TSHR: variants seen among roughly 807,000 people sequenced by gnomAD.
TSHR encodes the protein thyrotropin receptor.
In TSHR, 51 loss-of-function variants were observed where a neutral mutation model predicts 64.1. The observed-to-expected ratio is 0.80, with a 90% CI of 0.64 to 1.01. TSHR has a LOEUF of 1.01. TSHR is among the 50% of genes least tolerant of loss of function. TSHR has a pLI of 0.00. For synonymous variants in TSHR, 361 were observed against 361.9 expected (o/e 1.00, Z 0.03); for missense variants, 877 against 942.8 (o/e 0.93, Z 0.91).
At chr14:81,020,114 T>C (rs760422367) in intron 1 of TSHR, among the ~76,000 whole-genome samples, 8 of 146,260 alleles carry the variant, frequency 5.5e-5, no homozygotes, top group East Asian at 1.9e-4. Context: ...ATTAAACATA[T>C]GTGTCTCTGT....
At chr14:81,058,009 A>G (rs1885950624) in intron 1 of TSHR, among the ~76,000 whole-genome samples, 1 of 152,242 alleles carries the variant, frequency 6.6e-6, no homozygotes, top group African/African-American at 2.4e-5. Context: ...TGTTGATGAA[A>G]TTTCAGTCAA....
intron 1 of TSHR, among the ~76,000 whole-genome samples, chr14:80,964,976 G>A (rs1055882322): frequency 2.4e-4 from 37 of 152,268 alleles, no homozygotes; most frequent in African/African-American, 7.9e-4. Flanking sequence ...AGGAATGAAC[G>A]TAGAAATGAA....
intron 2 of TSHR, among the ~76,000 whole-genome samples, chr14:81,064,171 G>A (rs1234069534): frequency 1.3e-5 from 2 of 152,096 alleles, no homozygotes; most frequent in East Asian, 3.8e-4. Context: ...TGGAAGTGGA[G>A]CAAGGCTGTA....
At chr14:81,129,745 C>T (rs1270288109) in intron 8 of TSHR, among the ~76,000 whole-genome samples, 1 of 152,218 alleles carries the variant, frequency 6.6e-6, no homozygotes, top group African/African-American at 2.4e-5. Flanking sequence ...ACCCATCTTC[C>T]TGTGTCTATG....
chr14:80,976,128 G>A (rs942643725), intron 1 of TSHR, among the ~76,000 whole-genome samples: 38 of 152,132 alleles, frequency 2.5e-4, no homozygotes, highest in African/African-American at 9.2e-4. Flanking sequence ...AGCCAGGATG[G>A]TCTCCATCTC....
At chr14:81,022,194 C>T (rs530324604) in intron 1 of TSHR, among the ~76,000 whole-genome samples, 3 of 151,366 alleles carry the variant, frequency 2.0e-5, no homozygotes, top group South Asian at 4.2e-4. Flanking sequence ...GGCGTGAACA[C>T]GAGAGGCGGA....
intron 9 of TSHR, among the ~76,000 whole-genome samples, chr14:81,140,641 C>G (rs1891644340): frequency 6.6e-6 from 1 of 152,148 alleles, no homozygotes; most frequent in South Asian, 2.1e-4. Flanking sequence ...TTTGCTTTTA[C>G]TCTGCATTAT....
chr14:81,098,586 T>G (rs1341883510), intron 7 of TSHR, among the ~76,000 whole-genome samples: 1 of 152,218 alleles, frequency 6.6e-6, no homozygotes, highest in East Asian at 1.9e-4. Context: ...ATAATGAAGA[T>G]AGTTTGTAGG....
intron 1 of TSHR, among the ~76,000 whole-genome samples, chr14:80,965,561 T>C (rs1000880458): frequency 6.6e-6 from 1 of 152,256 alleles, no homozygotes. Context: ...TTCTTCATAC[T>C]GACTCTGTTT....
At chr14:81,085,722 T>C (rs971509658) in intron 3 of TSHR, among the ~76,000 whole-genome samples, 1 of 152,144 alleles carries the variant, frequency 6.6e-6, no homozygotes, top group African/African-American at 2.4e-5. Context: ...TGTGGAGCAA[T>C]TTTCCAGACT....
intron 8 of TSHR, among the ~76,000 whole-genome samples, chr14:81,114,228 C>T (rs1048362752): frequency 3.3e-5 from 5 of 151,938 alleles, no homozygotes; most frequent in African/African-American, 9.7e-5. Flanking sequence ...GCGTCAGCGA[C>T]GCAGAAGACG....
chr14:81,068,724 T>C (rs1232786107), intron 3 of TSHR, among the ~76,000 whole-genome samples: 1 of 152,220 alleles, frequency 6.6e-6, no homozygotes, highest in Non-Finnish European at 1.5e-5. Flanking sequence ...TTGGTGAGAT[T>C]AGAATAGTAG....
chr14:81,072,408 T>C (rs1887138328), intron 3 of TSHR, among the ~76,000 whole-genome samples: 1 of 152,174 alleles, frequency 6.6e-6, no homozygotes, highest in African/African-American at 2.4e-5. Context: ...AAGTACTAAC[T>C]GAAATTAAAC....
At chr14:80,966,234 C>T (rs1004182529) in intron 1 of TSHR, among the ~76,000 whole-genome samples, 2 of 152,102 alleles carry the variant, frequency 1.3e-5, no homozygotes, top group African/African-American at 4.8e-5. Context: ...TAGAAGGCTA[C>T]TTTTAGGAAA....
intron 3 of TSHR, 47 bp from the exon 4 acceptor site, chr14:81,087,907 C>A: frequency 7.6e-7 from 1 of 1,319,064 alleles, no homozygotes; most frequent in Non-Finnish European, 1.1e-6. Flanking sequence ...TTGATAAGAA[C>A]AGATACGGAT....
intron 1 of TSHR, among the ~76,000 whole-genome samples, chr14:80,959,785 A>C (rs962180588): frequency 6.6e-6 from 1 of 151,662 alleles, no homozygotes; most frequent in Non-Finnish European, 1.5e-5. Context: ...TAATTGATGG[A>C]CTCTCCTACT....
intron 8 of TSHR, among the ~76,000 whole-genome samples, chr14:81,121,281 T>A (rs1890781182): frequency 6.6e-6 from 1 of 152,170 alleles, no homozygotes; most frequent in African/African-American, 2.4e-5. Context: ...ATGTGGCCTG[T>A]GCAGGTGGGA....
chr14:80,976,870 T>A (rs1184361713), intron 1 of TSHR, among the ~76,000 whole-genome samples: 1 of 152,238 alleles, frequency 6.6e-6, no homozygotes, highest in East Asian at 1.9e-4. Context: ...TGCCCAATGG[T>A]TCCCAGACCA....
chr14:80,962,172 G>C (rs1887070708), intron 1 of TSHR, among the ~76,000 whole-genome samples: 1 of 152,122 alleles, frequency 6.6e-6, no homozygotes, highest in South Asian at 2.1e-4. Flanking sequence ...GTATGAATGA[G>C]TTAATACTGT....
Sources: gnomAD v4.1 joint callset for allele counts (sites outside exome capture counted in the v4.1 genomes callset) on GRCh38, gnomAD v4.1.1 for gene constraint, MANE v1.5 for transcripts, NCBI Gene and HGNC (gene_info 2026-07-23, HGNC 2026-07-21) for gene names.